Variants in KRCC1 observed in about 807,000 individuals in gnomAD.
KRCC1 encodes lysine-rich coiled-coil protein 1.
KRCC1 carries 3 observed loss-of-function variants against 7.4 expected under a neutral mutation model. The observed-to-expected ratio is 0.40, with a 90% CI of 0.18 to 1.04. The LOEUF (loss-of-function observed/expected upper bound fraction) is 1.04, where lower values mean the gene tolerates loss of function less well. Among genes scored for constraint, KRCC1 ranks in the 50% least tolerant of loss-of-function variants. The pLI is 0.33. For synonymous variants in KRCC1, 102 were observed against 101.6 expected (o/e 1.00, Z -0.02); for missense variants, 277 against 300.9 (o/e 0.92, Z 0.59).
intron 1 of KRCC1, among the ~76,000 whole-genome samples, chr2:88,053,272 A>G (rs1271553745): frequency 6.6e-6 from 1 of 152,188 alleles, no homozygotes; most frequent in African/African-American, 2.4e-5. Flanking sequence ...TCAGACTCCT[A>G]TTCCAGTATT....
chr2:88,046,464 A>G (rs1231886798), intron 1 of KRCC1, among the ~76,000 whole-genome samples: 1 of 152,246 alleles, frequency 6.6e-6, no homozygotes, highest in Non-Finnish European at 1.5e-5. Flanking sequence ...TTTAACTGAC[A>G]TAGTGAGATG....
chr2:88,054,030 T>A (rs982638300), intron 1 of KRCC1, among the ~76,000 whole-genome samples: 11 of 152,234 alleles, frequency 7.2e-5, no homozygotes, highest in Admixed American at 5.2e-4. Context: ...ACTAAAATCA[T>A]TCCCAAAACT....
chr2:88,050,445 A>C (rs879710542), intron 1 of KRCC1, among the ~76,000 whole-genome samples: 4 of 152,156 alleles, frequency 2.6e-5, no homozygotes, highest in Non-Finnish European at 4.4e-5. Flanking sequence ...ACACGGTGAA[A>C]TCCTGTCTCT....
At chr2:88,029,400 G>A (rs1672949798) in intron 3 of KRCC1, among the ~76,000 whole-genome samples, 1 of 152,140 alleles carries the variant, frequency 6.6e-6, no homozygotes, top group Non-Finnish European at 1.5e-5. Context: ...AACAATAAAA[G>A]GATGTTTATA....
chr2:88,054,664 C>A (rs1673572437), intron 1 of KRCC1, among the ~76,000 whole-genome samples: 2 of 152,168 alleles, frequency 1.3e-5, no homozygotes, highest in South Asian at 4.2e-4. Context: ...ACTCCCTACT[C>A]CCTTCATCTC....
chr2:88,040,862 C>CT (rs771599774), intron 1 of KRCC1, among the ~76,000 whole-genome samples: 61 of 151,774 alleles, frequency 4.0e-4, no homozygotes, highest in Non-Finnish European at 6.8e-4. Context: ...TGAATGGACA[C>CT]TTAAGGAGAT....
intron 1 of KRCC1, among the ~76,000 whole-genome samples, chr2:88,044,009 T>C (rs919424352): frequency 5.9e-5 from 9 of 152,134 alleles, no homozygotes; most frequent in African/African-American, 1.2e-4. Context: ...AAGAACTCTA[T>C]GGGCTCAGTA....
chr2:88,050,699 A>C (rs1254865696), intron 1 of KRCC1, among the ~76,000 whole-genome samples: 4 of 152,236 alleles, frequency 2.6e-5, no homozygotes, highest in Non-Finnish European at 5.9e-5. Context: ...ATGATTACTC[A>C]GGAATACCAT....
chr2:88,045,440 C>T (rs1161697127), intron 1 of KRCC1, among the ~76,000 whole-genome samples: 1 of 152,124 alleles, frequency 6.6e-6, no homozygotes, highest in Non-Finnish European at 1.5e-5. Context: ...ATCTCAAAAC[C>T]ATCACGCTGA....
At position 88,028,173 on chromosome 2, in the gene KRCC1, C is replaced by A. The variant is rs74430106; in HGVS notation, c.391G>T (p.Gly131Cys). The change falls in exon 4 of 4, where the codon GGT becomes TGT. Residue 131 changes from glycine to cysteine, a missense_variant. Coordinates refer to ENST00000347055, the MANE Select transcript of KRCC1 (RefSeq NM_016618.3). ...TGCTTGTAAACTCTATGTTCTACAC[C>A]ATGTGAGCCACAAATATATTCTTGT... ...NQQEYICGSHGVEHRVYKHFS... is the reference protein window; with the variant it reads ...NQQEYICGSHCVEHRVYKHFS... 2 of 1,614,110 alleles carry A rather than the reference C, an allele frequency of 1.2e-6. No homozygotes were observed. The highest frequency in any genetic ancestry group is 2.2e-5 in the East Asian group (1 of 44,868).
intron 1 of KRCC1, among the ~76,000 whole-genome samples, chr2:88,040,394 G>C (rs1673184623): frequency 6.6e-6 from 1 of 151,992 alleles, no homozygotes; most frequent in Non-Finnish European, 1.5e-5. Context: ...CCATGCTTTT[G>C]GACTTTATTA....
At chr2:88,044,945 A>T (rs1673297941) in intron 1 of KRCC1, among the ~76,000 whole-genome samples, 1 of 141,776 alleles carries the variant, frequency 7.1e-6, no homozygotes, top group African/African-American at 2.7e-5. Flanking sequence ...TGCAGCCTTG[A>T]CCTCCTGGGC....
At chr2:88,055,374 G>C (rs1673596584) in intron 1 of KRCC1, among the ~76,000 whole-genome samples, 1 of 151,992 alleles carries the variant, frequency 6.6e-6, no homozygotes, top group Non-Finnish European at 1.5e-5. Flanking sequence ...GTCGCCCCTA[G>C]TTTCCCACTC....
chr2:88,034,463 T>G (rs944792548), intron 2 of KRCC1, among the ~76,000 whole-genome samples, 171 bp from the exon 3 acceptor site: 4 of 152,188 alleles, frequency 2.6e-5, no homozygotes, highest in African/African-American at 9.6e-5. Context: ...ACATACTTTA[T>G]TTTTATAACA....
At chr2:88,045,899 C>G (rs1298961572) in intron 1 of KRCC1, among the ~76,000 whole-genome samples, 1 of 152,086 alleles carries the variant, frequency 6.6e-6, no homozygotes, top group African/African-American at 2.4e-5. Flanking sequence ...AGGCTGGTCT[C>G]AAACTCCTGA....
At chr2:88,041,459 T>A (rs1673208856) in intron 1 of KRCC1, among the ~76,000 whole-genome samples, 1 of 152,220 alleles carries the variant, frequency 6.6e-6, no homozygotes, top group South Asian at 2.1e-4. Flanking sequence ...ATCTTGCACA[T>A]CTCTCCTTTC....
intron 1 of KRCC1, among the ~76,000 whole-genome samples, chr2:88,047,708 T>G (rs1351173436): frequency 6.6e-6 from 1 of 151,604 alleles, no homozygotes; most frequent in Non-Finnish European, 1.5e-5. Context: ...GTTTGTATTT[T>G]TAGTAGAACC....
At position 88,040,278 on chromosome 2, in the gene KRCC1, A is replaced by G. The variant is rs189644226; in HGVS notation, c.-290-3227T>C. 8.7e-4 allele frequency among the ~76,000 whole-genome samples: 132 copies of G among 152,290 alleles called. 6 individuals are homozygous for G. Among genetic ancestry groups the G allele is most frequent in the Admixed American group, 8.5e-3 (130 of 15,298 alleles). The stretch of plus-strand genomic sequence containing the variant: ...AATAGCAAAATATTCTCAAGCTCAA[A>G]ATCTCAGCCATTTTCCTCCTGAGTC... On this transcript the variant is annotated intron_variant, in intron 1 of 3. Transcript: ENST00000347055.
intron 2 of KRCC1, among the ~76,000 whole-genome samples, chr2:88,036,270 T>C (rs1280928819): frequency 6.6e-6 from 1 of 152,160 alleles, no homozygotes; most frequent in East Asian, 1.9e-4. Context: ...CATTGTAATG[T>C]AGTATACAAA....
Sources: gnomAD v4.1 joint callset for allele counts (sites outside exome capture counted in the v4.1 genomes callset) on GRCh38, gnomAD v4.1.1 for gene constraint, MANE v1.5 for transcripts, NCBI Gene and HGNC (gene_info 2026-07-23, HGNC 2026-07-21) for gene names.